ADAM18: variants seen among roughly 807,000 people sequenced by gnomAD.
ADAM18 encodes the protein disintegrin and metalloproteinase domain-containing protein 18.
A neutral mutation model predicts 94.4 loss-of-function variants in ADAM18; 117 were observed. The ratio of observed to expected loss-of-function variants is 1.24; its 90% CI spans 1.07 to 1.45. The LOEUF is 1.45. Ranked by LOEUF, ADAM18 falls within the 40% of genes most tolerant of loss-of-function variation. The pLI is 0.00. For synonymous variants in ADAM18, 327 were observed against 291.6 expected (o/e 1.12, Z -1.24); for missense variants, 936 against 880.0 (o/e 1.06, Z -0.81).
At chr8:39,645,216 T>C in intron 10 of ADAM18, 122 bp from the exon 11 acceptor site, 2 of 808,462 alleles carry the variant, frequency 2.5e-6, no homozygotes, top group Non-Finnish European at 3.7e-6. Flanking sequence ...AAAATAATTG[T>C]TGTGAAGTAT....
intron 11 of ADAM18, among the ~76,000 whole-genome samples, chr8:39,646,005 A>C (rs997363947): frequency 6.6e-6 from 1 of 152,152 alleles, no homozygotes; most frequent in Non-Finnish European, 1.5e-5. Flanking sequence ...ATTAAATAAC[A>C]TTATTCTGTG....
At chr8:39,629,860 C>T (rs185322302) in intron 7 of ADAM18, among the ~76,000 whole-genome samples, 2 of 151,874 alleles carry the variant, frequency 1.3e-5, no homozygotes, top group African/African-American at 4.8e-5. Context: ...TGAGTAACAG[C>T]CCAAACTAGC....
chr8:39,687,622 A>G lies in ADAM18; in HGVS notation c.1822-4978A>G, dbSNP rs538949503. Among the ~76,000 whole-genome samples, 19 of 152,066 alleles carry G rather than the reference A, an allele frequency of 1.2e-4. No homozygotes were observed. In the East Asian group the frequency reaches 3.1e-3, roughly 25 times the overall value. On this transcript the variant is annotated intron_variant, in intron 16 of 19. Transcript: ENST00000265707. ...CCTCCCAACCCAGGCCCCTTTCCCC[A>G]TCCTCCCATTTCAAGCAGTCCCAGT...
rs1820119868 is a variant in ADAM18, at chr8:39,637,639, A to C, written c.763A>C (p.Arg255=). ...TSGDADDILQ[R]FLAWKRDYLI... The stretch of plus-strand genomic sequence containing the variant: ...TGGGGATGCTGATGATATATTACAA[A>C]GATTTTTGGCATGGAAACGGGACTA... Residue 255 remains arginine, a synonymous_variant, in exon 9 of 20, where the codon AGA becomes CGA. Transcript: ENST00000265707. 1 of 1,612,746 alleles carries C rather than the reference A, an allele frequency of 6.2e-7. No individual in the cohort carries two copies. Among genetic ancestry groups the C allele is most frequent in the Non-Finnish European group, 8.5e-7 (1 of 1,179,312 alleles).
At chr8:39,704,036 C>G (rs1208442594) in intron 17 of ADAM18, among the ~76,000 whole-genome samples, 4 of 152,166 alleles carry the variant, frequency 2.6e-5, no homozygotes, top group African/African-American at 9.6e-5. Context: ...ATTGAAAAGA[C>G]CAATAACAAG....
At chr8:39,701,866 A>T (rs1425594030) in intron 17 of ADAM18, among the ~76,000 whole-genome samples, 1 of 152,148 alleles carries the variant, frequency 6.6e-6, no homozygotes, top group East Asian at 1.9e-4. Flanking sequence ...TATGTACCAC[A>T]TTTTGTTTAT....
At chr8:39,627,349 C>G (rs1361449821) in intron 6 of ADAM18, among the ~76,000 whole-genome samples, 1 of 152,066 alleles carries the variant, frequency 6.6e-6, no homozygotes, top group Non-Finnish European at 1.5e-5. Flanking sequence ...GAGATTTATT[C>G]ACTTCAATGA....
chr8:39,669,708 C>T (rs1052903820), intron 14 of ADAM18, among the ~76,000 whole-genome samples: 8 of 152,016 alleles, frequency 5.3e-5, no homozygotes, highest in African/African-American at 1.5e-4. Context: ...TTAATCCAGT[C>T]CATCATTGTT....
intron 12 of ADAM18, among the ~76,000 whole-genome samples, chr8:39,662,019 G>C (rs1443210597): frequency 2.0e-5 from 3 of 151,176 alleles, no homozygotes; most frequent in African/African-American, 7.3e-5. Context: ...AAAGAAAAAA[G>C]CTCTGCTATG....
At chr8:39,628,250 A>G (rs144320930) in intron 6 of ADAM18, among the ~76,000 whole-genome samples, 3,652 of 152,006 alleles carry the variant, frequency 0.024, 70 homozygotes, top group Non-Finnish European at 0.035. Context: ...CCAAACTCAC[A>G]TATTTTAGAA....
intron 6 of ADAM18, chr8:39,611,679 G>T: frequency 2.5e-6 from 2 of 802,216 alleles, no homozygotes; most frequent in Non-Finnish European, 3.0e-6. Flanking sequence ...TATTTTTATG[G>T]AATACATCAA....
intron 15 of ADAM18, among the ~76,000 whole-genome samples, chr8:39,679,516 C>G (rs898348534): frequency 6.6e-6 from 1 of 152,072 alleles, no homozygotes; most frequent in East Asian, 1.9e-4. Flanking sequence ...AAATTTTTAA[C>G]AGATAAGTTA....
chr8:39,636,014 T>G (rs1243907341), intron 7 of ADAM18, among the ~76,000 whole-genome samples: 3 of 150,308 alleles, frequency 2.0e-5, no homozygotes, highest in Admixed American at 6.6e-5. Flanking sequence ...TTTTTGTTTT[T>G]TTTTTTTTGA....
At chr8:39,619,334 A>G (rs558278136) in intron 6 of ADAM18, among the ~76,000 whole-genome samples, 47 of 152,348 alleles carry the variant, frequency 3.1e-4, no homozygotes, top group African/African-American at 1.1e-3. Context: ...GGACATTTAC[A>G]GGAGATCTGA....
At chr8:39,623,937 C>T (rs1281671662) in intron 6 of ADAM18, among the ~76,000 whole-genome samples, 1 of 152,046 alleles carries the variant, frequency 6.6e-6, no homozygotes, top group Non-Finnish European at 1.5e-5. Context: ...TGTTTGTTGG[C>T]CATTTGTATA....
chr8:39,628,796 C>T (rs1262015679), intron 6 of ADAM18, among the ~76,000 whole-genome samples: 1 of 151,934 alleles, frequency 6.6e-6, no homozygotes, highest in African/African-American at 2.4e-5. Flanking sequence ...CATATGAGTA[C>T]ACAGGGAAGA....
intron 14 of ADAM18, 106 bp from the exon 15 acceptor site, chr8:39,677,325 C>A: frequency 1.1e-6 from 1 of 871,522 alleles, no homozygotes; most frequent in Non-Finnish European, 1.8e-6. Context: ...AAAGCATGAT[C>A]AACAAGTACA....
chr8:39,657,505 G>A (rs1338574101), intron 12 of ADAM18, among the ~76,000 whole-genome samples: 1 of 152,030 alleles, frequency 6.6e-6, no homozygotes, highest in Non-Finnish European at 1.5e-5. Flanking sequence ...TGGTACAGAT[G>A]AGATTTTGCT....
intron 10 of ADAM18, among the ~76,000 whole-genome samples, 176 bp downstream of exon 10, chr8:39,638,722 A>T (rs1394096485): frequency 6.6e-6 from 1 of 151,896 alleles, no homozygotes; most frequent in African/African-American, 2.4e-5. Context: ...TTATTTATTT[A>T]TAAAGTTCAA....
Sources: allele counts gnomAD v4.1 joint callset (sites outside exome capture counted in the v4.1 genomes callset), GRCh38; gene constraint gnomAD v4.1.1; transcripts MANE v1.5; gene names NCBI Gene and HGNC (gene_info 2026-07-23, HGNC 2026-07-21).